Variants in PLXDC2 observed in about 807,000 individuals in gnomAD.
PLXDC2 encodes the protein plexin domain containing 2, also known as plexin domain-containing protein 2.
Under a neutral mutation model 68.9 loss-of-function variants are expected in PLXDC2, and 40 were observed. The observed-to-expected ratio is 0.58, with a 90% confidence interval of 0.45 to 0.76. The LOEUF is 0.76. Ranked by LOEUF, PLXDC2 falls within the 30% of genes least tolerant of loss-of-function variation. PLXDC2 has a pLI of 0.00. For missense variants in PLXDC2, 644 were observed against 661.9 expected, an observed-to-expected ratio of 0.97 and a Z score of 0.30; for synonymous variants, 243 against 234.2, an observed-to-expected ratio of 1.04 and a Z score of -0.34.
intron 1 of PLXDC2, among the ~76,000 whole-genome samples, chr10:19,952,636 G>A (rs751676574): frequency 1.3e-5 from 2 of 152,210 alleles, no homozygotes; most frequent in Non-Finnish European, 2.9e-5. Flanking sequence ...AGAATATACA[G>A]AGAAATGTTG....
intron 12 of PLXDC2, among the ~76,000 whole-genome samples, chr10:20,221,860 T>C (rs1339994539): frequency 6.6e-6 from 1 of 152,208 alleles, no homozygotes; most frequent in Admixed American, 6.5e-5. Flanking sequence ...TTTTTGTAAA[T>C]TTCTCTGTAT....
chr10:19,937,544 G>GTGTA (rs1283000294), intron 1 of PLXDC2, among the ~76,000 whole-genome samples: 2 of 95,978 alleles, frequency 2.1e-5, no homozygotes, highest in East Asian at 3.3e-4. Context: ...TATAGTCAAT[G>GTGTA]TATATATATA....
intron 13 of PLXDC2, among the ~76,000 whole-genome samples, chr10:20,267,770 C>T (rs921498010): frequency 6.6e-6 from 1 of 151,554 alleles, no homozygotes; most frequent in African/African-American, 2.4e-5. Context: ...CAAAACAAAA[C>T]AAAACAAAAA....
chr10:20,137,616 C>T (rs181118382), intron 4 of PLXDC2, among the ~76,000 whole-genome samples: 2 of 152,344 alleles, frequency 1.3e-5, no homozygotes, highest in African/African-American at 4.8e-5. Flanking sequence ...ACAGACAGAA[C>T]AGGTCTTTTC....
chr10:19,879,741 A>G (rs1217055236), intron 1 of PLXDC2, among the ~76,000 whole-genome samples: 1 of 152,064 alleles, frequency 6.6e-6, no homozygotes, highest in Non-Finnish European at 1.5e-5. Context: ...TAAAGATGGG[A>G]CCCCAGTTTG....
chr10:20,075,786 G>A (rs1836431344), intron 4 of PLXDC2, among the ~76,000 whole-genome samples: 1 of 152,170 alleles, frequency 6.6e-6, no homozygotes, highest in Non-Finnish European at 1.5e-5. Context: ...ATGATTTTAG[G>A]ACAGGAATGG....
chr10:19,989,577 G>A (rs1309893206), intron 1 of PLXDC2, among the ~76,000 whole-genome samples: 1 of 152,144 alleles, frequency 6.6e-6, no homozygotes, highest in African/African-American at 2.4e-5. Flanking sequence ...CAGGCTTTCA[G>A]AGAAATATTC....
intron 12 of PLXDC2, among the ~76,000 whole-genome samples, chr10:20,232,679 A>T (rs1835381027): frequency 6.6e-6 from 1 of 152,212 alleles, no homozygotes; most frequent in East Asian, 1.9e-4. Flanking sequence ...AATCAAGCTA[A>T]TCTACAATAA....
chr10:19,841,126 C>T (rs1163719648), intron 1 of PLXDC2, among the ~76,000 whole-genome samples: 1 of 152,194 alleles, frequency 6.6e-6, no homozygotes, highest in African/African-American at 2.4e-5. Flanking sequence ...GAATCCTTCT[C>T]TTCAAATCTT....
chr10:20,216,264 G>A (rs1835136056), intron 10 of PLXDC2, among the ~76,000 whole-genome samples: 1 of 152,216 alleles, frequency 6.6e-6, no homozygotes, highest in East Asian at 1.9e-4. Flanking sequence ...GCAGGTACAG[G>A]GATAGATGGA....
intron 1 of PLXDC2, among the ~76,000 whole-genome samples, chr10:19,833,814 T>A (rs1836739842): frequency 6.6e-6 from 1 of 152,172 alleles, no homozygotes. Context: ...GTAAGCAATC[T>A]ATGTGTAAGA....
At chr10:19,873,041 T>A (rs1837570251) in intron 1 of PLXDC2, among the ~76,000 whole-genome samples, 1 of 152,180 alleles carries the variant, frequency 6.6e-6, no homozygotes, top group African/African-American at 2.4e-5. Flanking sequence ...GGAAATCTCC[T>A]AATACAGCAA....
chr10:20,216,440 TA>T, intron 10 of PLXDC2, among the ~76,000 whole-genome samples: 2 of 152,250 alleles, frequency 1.3e-5, no homozygotes, highest in Admixed American at 1.3e-4. Flanking sequence ...GAGACCCTAG[TA>T]TGTTTAGACT....
At chr10:19,966,602 T>C (rs2131607923) in intron 1 of PLXDC2, among the ~76,000 whole-genome samples, 1 of 152,062 alleles carries the variant, frequency 6.6e-6, no homozygotes, top group Admixed American at 6.6e-5. Flanking sequence ...ATTAAATTAT[T>C]TTGTCTCATG....
At chr10:20,007,951 T>C (rs1835052884) in intron 2 of PLXDC2, among the ~76,000 whole-genome samples, 1 of 152,200 alleles carries the variant, frequency 6.6e-6, no homozygotes, top group African/African-American at 2.4e-5. Flanking sequence ...TGGAAGTTCA[T>C]ATCTGAGGAA....
chr10:20,075,819 A>G (rs1200579987), intron 4 of PLXDC2, among the ~76,000 whole-genome samples: 1 of 152,194 alleles, frequency 6.6e-6, no homozygotes, highest in Non-Finnish European at 1.5e-5. Context: ...CAGCTGAGAC[A>G]AGGGTGTGGG....
chr10:19,909,517 T>C (rs1256004418), intron 1 of PLXDC2, among the ~76,000 whole-genome samples: 1 of 152,180 alleles, frequency 6.6e-6, no homozygotes, highest in Non-Finnish European at 1.5e-5. Flanking sequence ...AATGATCGGA[T>C]GACCACAGCA....
Position 20,033,694 on chromosome 10 carries a change from A to C in PLXDC2, c.325-13175A>C, listed in dbSNP as rs571262629. ...ACTTATTCACTATCACAAGAACAGC[A>C]TGGGAAAGATTCACCCCCATGATTC... On this transcript the variant is annotated intron_variant, in intron 2 of 13. Coordinates refer to ENST00000377252, the MANE Select transcript of PLXDC2 (RefSeq NM_032812.9). 3.9e-5 allele frequency among the ~76,000 whole-genome samples: 6 copies of C among 152,256 alleles called. No homozygotes were observed. The South Asian group carries it at 1.2e-3, about 32-fold the overall frequency.
intron 1 of PLXDC2, among the ~76,000 whole-genome samples, chr10:19,827,665 A>G (rs1252444882): frequency 1.3e-5 from 2 of 150,702 alleles, no homozygotes; most frequent in African/African-American, 4.9e-5. Flanking sequence ...GGTTCAAGTG[A>G]TTTTCCTGCC....
Sources: gnomAD v4.1 joint callset for allele counts (sites outside exome capture counted in the v4.1 genomes callset) on GRCh38, gnomAD v4.1.1 for gene constraint, MANE v1.5 for transcripts, NCBI Gene and HGNC (gene_info 2026-07-23, HGNC 2026-07-21) for gene names.